DOCK10: variants seen among roughly 807,000 people sequenced by gnomAD.
DOCK10 encodes dedicator of cytokinesis 10.
In DOCK10, 145 loss-of-function variants were observed where a neutral mutation model predicts 280.1. The ratio of observed to expected loss-of-function variants is 0.52; its 90% CI spans 0.45 to 0.59. The LOEUF (loss-of-function observed/expected upper bound fraction) is 0.59, where lower values mean the gene tolerates loss of function less well. DOCK10 is among the 20% of genes least tolerant of loss of function. The pLI, the probability that DOCK10 is intolerant of heterozygous loss-of-function variation, is 0.00. For missense variants in DOCK10, 2,368 were observed against 2,651.7 expected, an observed-to-expected ratio of 0.89 and a Z score of 2.35; for synonymous variants, 915 against 942.2, an observed-to-expected ratio of 0.97 and a Z score of 0.53.
At chr2:225,013,914 A>G (rs1255527948) in intron 1 of DOCK10, among the ~76,000 whole-genome samples, 1 of 152,020 alleles carries the variant, frequency 6.6e-6, no homozygotes, top group Non-Finnish European at 1.5e-5. Flanking sequence ...TAAGTGACAA[A>G]AAGTAGATAA....
intron 27 of DOCK10, among the ~76,000 whole-genome samples, chr2:224,828,635 TCA>T: frequency 6.6e-6 from 1 of 152,110 alleles, no homozygotes; most frequent in East Asian, 1.9e-4. Context: ...GGAGGAGCAG[TCA>T]CAGTCTTGGC....
At chr2:224,947,907 A>C (rs1330549614) in intron 1 of DOCK10, among the ~76,000 whole-genome samples, 1 of 152,236 alleles carries the variant, frequency 6.6e-6, no homozygotes, top group Non-Finnish European at 1.5e-5. Context: ...AGTATATATT[A>C]GTTAAATATA....
intron 7 of DOCK10, among the ~76,000 whole-genome samples, chr2:224,879,504 T>A (rs974961659): frequency 6.6e-6 from 1 of 152,168 alleles, no homozygotes; most frequent in Non-Finnish European, 1.5e-5. Context: ...ACTCCTGTAA[T>A]CCCAGCGCTT....
At chr2:224,887,284 T>C (rs1016105863) in intron 4 of DOCK10, among the ~76,000 whole-genome samples, 7 of 152,138 alleles carry the variant, frequency 4.6e-5, no homozygotes, top group Non-Finnish European at 7.4e-5. Flanking sequence ...TGAAGAACCA[T>C]GACCCTGAGA....
chr2:224,849,732 G>A, intron 18 of DOCK10, 133 bp from the exon 19 acceptor site: 1 of 632,064 alleles, frequency 1.6e-6, no homozygotes, highest in African/African-American at 1.8e-5. Flanking sequence ...GGCTAAGCTG[G>A]CATCTAATTA....
chr2:224,951,675 G>A (rs1219775431), intron 1 of DOCK10, among the ~76,000 whole-genome samples: 2 of 152,274 alleles, frequency 1.3e-5, no homozygotes, highest in East Asian at 3.9e-4. Flanking sequence ...CTGTTTTCAT[G>A]GGTCAGAAAT....
In DOCK10 at chr2:225,042,403, C is replaced by G. The variant is rs1156423466; in HGVS notation, c.-29G>C. On this transcript the variant is annotated 5_prime_UTR_variant, in exon 1 of 56. Transcript: ENST00000258390. This position sits in a 1 kb window ranked among gnomAD's most constrained non-coding sequence, Gnocchi z 5.1. ...CGGTCACGCCAATCGCGCCGCGGGCCCGGGGCGCGCCTCCCGCCGGTCTTC... is the reference window on the plus strand; with the variant it reads ...CGGTCACGCCAATCGCGCCGCGGGCGCGGGGCGCGCCTCCCGCCGGTCTTC... 77 of 1,226,842 alleles carry G rather than the reference C, an allele frequency of 6.3e-5. 1 individual carries two copies. The highest frequency in any genetic ancestry group is 7.5e-5 in the Non-Finnish European group (74 of 982,662). The allele number at this position is 1,226,842 out of a possible 1,614,324, so 76.0% of individuals were successfully genotyped here.
chr2:224,791,631 AT>A lies in DOCK10; in HGVS notation c.5311+1342del, dbSNP rs11399071. Among the ~76,000 whole-genome samples the A allele has an allele frequency of 7.6e-3, 1,054 of 139,172 alleles. 9 individuals carry two copies. The highest frequency in any genetic ancestry group is 0.02 in the African/African-American group (736 of 37,384). The allele number at this position is 139,172 out of a possible 152,430, so 91.3% of individuals were successfully genotyped here. On this transcript the variant is annotated intron_variant, in intron 47 of 55. Transcript: ENST00000258390. ...AGGCACCTGCCACCACGCCCGGCTAATTTTTTTTTTTTTTTTGTATTTTTAG... is the reference window on the plus strand; with the variant it reads ...AGGCACCTGCCACCACGCCCGGCTAATTTTTTTTTTTTTTTGTATTTTTAG...
In DOCK10 at chr2:224,816,705, G is replaced by A; in HGVS notation, c.3276C>T (p.Cys1092=). The change falls in exon 30 of 56, where the codon TGC becomes TGT. Residue 1092 remains cysteine, a synonymous_variant. Coordinates refer to ENST00000258390, the MANE Select transcript of DOCK10 (RefSeq NM_014689.3). Reference sequence around the variant, plus strand: ...CTTGAAGAAAATCAAATTTATACTGGCACAAGGTCTGAAAGAGAGGCAAAC... The same window carrying A: ...CTTGAAGAAAATCAAATTTATACTGACACAAGGTCTGAAAGAGAGGCAAAC... The part of the protein sequence containing the change: ...MFSSGDLKTL[C]QYKFDFLQEV... 1.3e-6 allele frequency: 2 copies of A among 1,590,262 alleles called. No individual in the cohort carries two copies. The highest frequency in any genetic ancestry group is 1.7e-6 in the Non-Finnish European group (2 of 1,163,160).
At position 224,834,201 on chromosome 2, in the gene DOCK10, C is replaced by T. The variant is rs767810500; in HGVS notation, c.2913G>A (p.Val971=). ...RTVHEELAKN[V]TGLLKSNDST... is the part of the protein sequence containing the mutation. ...AGTCATTTGATTTCAAAAGACCAGT[C>T]ACATTTTTAGCCAGTTCCTCATGTA... Residue 971 remains valine, a synonymous_variant, in exon 26 of 56, where the codon GTG becomes GTA. Transcript: ENST00000258390. The T allele has an allele frequency of 3.1e-6, 5 of 1,613,766 alleles. No individual in the cohort carries two copies. In the South Asian group the frequency reaches 4.4e-5, roughly 14 times the overall value.
chr2:225,033,795 A>G (rs1690148248), intron 1 of DOCK10, among the ~76,000 whole-genome samples: 1 of 152,182 alleles, frequency 6.6e-6, no homozygotes, highest in Non-Finnish European at 1.5e-5. Flanking sequence ...TCAAGACTAC[A>G]AGAGACAATG....
chr2:224,770,418 G>T lies in DOCK10; in HGVS notation c.6306-69C>A. The T allele has an allele frequency of 6.4e-7, 1 of 1,560,742 alleles. No homozygotes were observed. The highest frequency in any genetic ancestry group is 1.2e-5 in the South Asian group (1 of 83,042). On this transcript the variant is annotated intron_variant, in intron 54 of 55. Transcript: ENST00000258390. This position sits in a 1 kb window ranked among gnomAD's most constrained non-coding sequence, Gnocchi z 4.5. ...GTGGCATTGAGCTCAGTGACTGTGA[G>T]TTCAGAGTCAGGCTGCTGATGGACT...
At chr2:225,037,155 C>T (rs2106143152) in intron 1 of DOCK10, among the ~76,000 whole-genome samples, 1 of 152,300 alleles carries the variant, frequency 6.6e-6, no homozygotes, top group Middle Eastern at 3.4e-3. Context: ...TTGAAGTAGA[C>T]TGCAGGAGGA....
At chr2:224,804,313 T>A (rs920876996) in intron 38 of DOCK10, 100 bp from the exon 39 acceptor site, 14 of 662,982 alleles carry the variant, frequency 2.1e-5, no homozygotes, top group Non-Finnish European at 3.6e-5. Flanking sequence ...AATGAAATAT[T>A]TCACATGCTG....
intron 1 of DOCK10, among the ~76,000 whole-genome samples, chr2:224,957,798 C>G (rs899537621): frequency 4.6e-5 from 7 of 152,190 alleles, no homozygotes; most frequent in Non-Finnish European, 7.3e-5. Flanking sequence ...GTTTCTGTTT[C>G]TGTTCTGGGA....
At position 224,857,125 on chromosome 2, in the gene DOCK10, C is replaced by T. The variant is rs540377606; in HGVS notation, c.1686-143G>A. The T allele has an allele frequency of 1.2e-4, 68 of 591,182 alleles. No individual in the cohort carries two copies. The African/African-American group carries it at 1.2e-3, about 11-fold the overall frequency. 36.6% of individuals were successfully genotyped at this position (591,182 alleles called of 1,614,324 possible). The stretch of plus-strand genomic sequence containing the variant: ...AAAATAAAAAGACCAAAAACTTTTA[C>T]AAATGCTTCATTTATACAGTTTATT... On this transcript the variant is annotated intron_variant, in intron 14 of 55. Transcript: ENST00000258390.
intron 41 of DOCK10, among the ~76,000 whole-genome samples, chr2:224,798,296 G>A (rs1692728220): frequency 6.6e-6 from 1 of 152,132 alleles, no homozygotes; most frequent in Admixed American, 6.5e-5. Flanking sequence ...GAGAGATCTG[G>A]GAGGACTGTC....
intron 3 of DOCK10, among the ~76,000 whole-genome samples, chr2:224,898,438 A>C (rs1408234662): frequency 2.6e-5 from 4 of 152,218 alleles, no homozygotes; most frequent in African/African-American, 9.7e-5. Flanking sequence ...AATGTAGAGA[A>C]GAATAGTAAA....
chr2:224,781,463 A>G (rs1306150283), intron 50 of DOCK10, among the ~76,000 whole-genome samples: 3 of 152,222 alleles, frequency 2.0e-5, no homozygotes, highest in Non-Finnish European at 4.4e-5. Context: ...TGCTTACCTT[A>G]TACCCAGGGA....
Sources: gnomAD v4.1 joint callset for allele counts (sites outside exome capture counted in the v4.1 genomes callset) on GRCh38, gnomAD v4.1.1 for gene constraint, Gnocchi (gnomAD v3.1) non-coding constraint, MANE v1.5 for transcripts, NCBI Gene and HGNC (gene_info 2026-07-23, HGNC 2026-07-21) for gene names.